Variants in TMPRSS15 observed in about 807,000 individuals in gnomAD.
TMPRSS15 encodes the protein transmembrane serine protease 15, also known as enteropeptidase.
A neutral mutation model predicts 125.3 loss-of-function variants in TMPRSS15; 128 were observed. The ratio of observed to expected loss-of-function variants is 1.02; its 90% CI spans 0.89 to 1.18. The LOEUF is 1.18. TMPRSS15 is among the 50% of genes most tolerant of loss of function. The pLI is 0.00. For synonymous variants in TMPRSS15, 446 were observed against 423.2 expected, an observed-to-expected ratio of 1.05 and a Z score of -0.66; for missense variants, 1,283 against 1,212.7, an observed-to-expected ratio of 1.06 and a Z score of -0.86.
chr21:18,439,907 A>T (rs570431024), intron 1 of TMPRSS15, among the ~76,000 whole-genome samples: 1 of 152,212 alleles, frequency 6.6e-6, no homozygotes, highest in Non-Finnish European at 1.5e-5. Context: ...CAGAGATCTT[A>T]GATAATGACT....
Position 18,427,107 on chromosome 21 carries a change from T to C in TMPRSS15, c.11-28778A>G, listed in dbSNP as rs891624399. On this transcript the variant is annotated intron_variant, in intron 1 of 7. Coordinates refer to the TMPRSS15 transcript ENST00000422787. ...TTAGCTGTTCTTACAAAGGAAATGA[T>C]TGGCTCTAGGCATCAACTTATGTAA... Among the ~76,000 whole-genome samples, 10 of 152,356 alleles carry C rather than the reference T, an allele frequency of 6.6e-5. No homozygotes were observed. In the East Asian group the frequency reaches 1.9e-3, roughly 29 times the overall value.
chr21:18,477,578 T>C (rs138614609), intron 1 of TMPRSS15: 2 of 152,184 alleles, frequency 1.3e-5, no homozygotes, highest in African/African-American at 4.8e-5. Context: ...ATTCAGGTCA[T>C]GTAGGGTCTT....
chr21:18,341,883 A>G (rs934995137), intron 12 of TMPRSS15, among the ~76,000 whole-genome samples: 7 of 152,174 alleles, frequency 4.6e-5, no homozygotes, highest in African/African-American at 1.7e-4. Flanking sequence ...ATGCATATAT[A>G]TCATCTGGCA....
chr21:18,403,015 T>C (rs1181130074), intron 1 of TMPRSS15, among the ~76,000 whole-genome samples: 4 of 152,202 alleles, frequency 2.6e-5, no homozygotes, highest in Non-Finnish European at 5.9e-5. Context: ...AGAATTAAAA[T>C]GGTTAGACTG....
At chr21:18,292,962 C>T (rs2074856369) in intron 21 of TMPRSS15, among the ~76,000 whole-genome samples, 1 of 152,154 alleles carries the variant, frequency 6.6e-6, no homozygotes, top group Non-Finnish European at 1.5e-5. Context: ...CAGGATGTAA[C>T]ACTCAATGGA....
At chr21:18,434,723 A>C (rs1394199265) in intron 1 of TMPRSS15, among the ~76,000 whole-genome samples, 1 of 152,084 alleles carries the variant, frequency 6.6e-6, no homozygotes, top group Non-Finnish European at 1.5e-5. Context: ...TAAACATCTT[A>C]ATCCATCCAA....
rs1349517040 is a variant in TMPRSS15 at position 18,275,191 on chromosome 21, C to A, written c.2904+6G>T. On this transcript the variant is annotated splice_donor_region_variant and intron_variant, in intron 24 of 24. Coordinates refer to ENST00000284885, the MANE Select transcript of TMPRSS15 (RefSeq NM_002772.3). The stretch of plus-strand genomic sequence containing the variant: ...AAAGGTACAGTGAGCAGTTTTACAT[C>A]TTTACCTGACAAGAATCTATTCCTC... 2 of 1,613,690 alleles carry A rather than the reference C, an allele frequency of 1.2e-6. No individual in the cohort carries two copies. The highest frequency in any genetic ancestry group is 3.3e-5 in the Admixed American group (2 of 60,026).
intron 1 of TMPRSS15, among the ~76,000 whole-genome samples, chr21:18,474,159 G>A (rs1189839051): frequency 6.6e-6 from 1 of 151,804 alleles, no homozygotes; most frequent in African/African-American, 2.4e-5. Context: ...ATATATCTCT[G>A]TATGTGGGTA....
rs187962378 is a variant in TMPRSS15 at position 18,435,390 on chromosome 21, A to G, written c.11-37061T>C. ...CTTTTCTGCATCTATGGAGATAATC[A>G]TGTGGCTTTTGTCTTTGGTTCTGTT... is the stretch of plus-strand genomic sequence containing the variant. On this transcript the variant is annotated intron_variant, in intron 1 of 7. Transcript: ENST00000422787. Among the ~76,000 whole-genome samples the G allele has an allele frequency of 4.7e-3, 717 of 152,288 alleles. 6 individuals carry two copies. The highest frequency in any genetic ancestry group is 0.016 in the African/African-American group (685 of 41,556).
At chr21:18,418,605 C>T (rs1431341111) in intron 1 of TMPRSS15, among the ~76,000 whole-genome samples, 10 of 152,098 alleles carry the variant, frequency 6.6e-5, no homozygotes, top group Admixed American at 1.3e-4. Context: ...GTAGCCCTGC[C>T]CATTCATCTC....
chr21:18,450,265 G>GTT (rs5842694), intron 1 of TMPRSS15, among the ~76,000 whole-genome samples: 4 of 148,434 alleles, frequency 2.7e-5, no homozygotes, highest in Non-Finnish European at 6.0e-5. Context: ...TGTTTTACAT[G>GTT]TTTTTTTTTT....
At chr21:18,473,039 G>A (rs145742748) in intron 1 of TMPRSS15, among the ~76,000 whole-genome samples, 129 of 152,166 alleles carry the variant, frequency 8.5e-4, no homozygotes, top group African/African-American at 2.8e-3. Context: ...ATCTGTTCAA[G>A]CTGTTGTCCT....
intron 18 of TMPRSS15, among the ~76,000 whole-genome samples, chr21:18,300,299 T>TCACTCTCTCTTTCTTTCTCC (rs2074956685): frequency 6.6e-6 from 1 of 150,806 alleles, no homozygotes; most frequent in African/African-American, 2.4e-5. Context: ...TTTCTTTCTC[T>TCACTCTCTCTTTCTTTCTCC]CTCTCTCTCT....
At chr21:18,280,519 C>T (rs113704126) in intron 22 of TMPRSS15, among the ~76,000 whole-genome samples, 32,601 of 146,296 alleles carry the variant, frequency 0.22, 4,338 homozygotes, top group African/African-American at 0.38. Flanking sequence ...GAGGTTGCAG[C>T]GAGCCAAGAC....
chr21:18,363,963 G>A (rs2225404), intron 7 of TMPRSS15, among the ~76,000 whole-genome samples: 82,982 of 151,714 alleles, frequency 0.55, 23,052 homozygotes, highest in East Asian at 0.86. Flanking sequence ...ACTCCAAATC[G>A]AAATAAAAAA....
At chr21:18,391,581 C>A (rs971708061) in intron 3 of TMPRSS15, among the ~76,000 whole-genome samples, 1 of 152,198 alleles carries the variant, frequency 6.6e-6, no homozygotes, top group East Asian at 1.9e-4. Flanking sequence ...GCATACAGCT[C>A]CCCTACCCCC....
intron 16 of TMPRSS15, among the ~76,000 whole-genome samples, chr21:18,319,369 A>G (rs1271458378): frequency 6.6e-6 from 1 of 151,694 alleles, no homozygotes. Flanking sequence ...TACGCAGTAG[A>G]TAATATTTTT....
At chr21:18,291,953 AG>A (rs936271011) in intron 21 of TMPRSS15, among the ~76,000 whole-genome samples, 6 of 152,188 alleles carry the variant, frequency 3.9e-5, no homozygotes, top group African/African-American at 1.4e-4. Context: ...TTTTAAGTTC[AG>A]CCCCATCTTG....
At chr21:18,336,308 T>C (rs1233759877) in intron 13 of TMPRSS15, among the ~76,000 whole-genome samples, 1 of 152,200 alleles carries the variant, frequency 6.6e-6, no homozygotes, top group Non-Finnish European at 1.5e-5. Context: ...AGATGTAGCT[T>C]GAGAAATAAT....
Sources: gnomAD v4.1 joint callset for allele counts (sites outside exome capture counted in the v4.1 genomes callset) on GRCh38, gnomAD v4.1.1 for gene constraint, MANE v1.5 for transcripts, NCBI Gene and HGNC (gene_info 2026-07-23, HGNC 2026-07-21) for gene names.